The following ERBB4 variants were observed in gnomAD, a reference collection of about 807,000 sequenced individuals.
The protein encoded by ERBB4 is erb-b2 receptor tyrosine kinase 4.
In ERBB4, 42 loss-of-function variants were observed where a neutral mutation model predicts 158.0. That is an observed-to-expected ratio of 0.27 (90% CI 0.21 to 0.34). The LOEUF (loss-of-function observed/expected upper bound fraction) is 0.34. Among genes scored for constraint, ERBB4 ranks in the 10% least tolerant of loss-of-function variants. ERBB4 has a pLI of 1.00. For synonymous variants in ERBB4, 583 were observed against 558.7 expected (o/e 1.04, Z -0.61); for missense variants, 1,333 against 1,624.1 (o/e 0.82, Z 3.08).
At chr2:211,804,913 C>A (rs2105899364) in intron 3 of ERBB4, among the ~76,000 whole-genome samples, 1 of 138,756 alleles carries the variant, frequency 7.2e-6, no homozygotes, top group African/African-American at 2.6e-5. Context: ...ACAGCTCTTT[C>A]AAAATATTCT....
chr2:211,798,031 CTA>C (rs2076418432), intron 3 of ERBB4, among the ~76,000 whole-genome samples: 1 of 151,980 alleles, frequency 6.6e-6, no homozygotes, highest in Admixed American at 6.6e-5. Context: ...ATTTTAAGCT[CTA>C]TGTTTTACAT....
intron 19 of ERBB4, among the ~76,000 whole-genome samples, chr2:211,607,614 G>A (rs996080611): frequency 3.9e-5 from 6 of 152,030 alleles, no homozygotes; most frequent in African/African-American, 9.7e-5. Flanking sequence ...CCTCAGAGGT[G>A]CTCATTTTTT....
chr2:212,103,752 TTAC>T lies in ERBB4; in HGVS notation c.234+20997_234+20999del, dbSNP rs201267588. ...TTTTTTTACAATGCACCTCTTCTATTTACTACATTAAAATATATTTCCACTTTG... is the reference window on the plus strand; with the variant it reads ...TTTTTTTACAATGCACCTCTTCTATTTACATTAAAATATATTTCCACTTTG... On this transcript the variant is annotated intron_variant, in intron 2 of 27. Transcript: ENST00000342788. Among the ~76,000 whole-genome samples the T allele has an allele frequency of 3.5e-3, 535 of 152,130 alleles. 3 individuals are homozygous for T. Among genetic ancestry groups the T allele is most frequent in the Middle Eastern group, 0.027 (8 of 294 alleles).
At chr2:212,401,284 C>T (rs1294478116) in intron 1 of ERBB4, among the ~76,000 whole-genome samples, 4 of 152,110 alleles carry the variant, frequency 2.6e-5, no homozygotes, top group East Asian at 1.9e-4. Flanking sequence ...TGTAAAATAC[C>T]ATGACTTCCT....
chr2:212,222,925 G>T (rs1915748), intron 1 of ERBB4, among the ~76,000 whole-genome samples: 147,667 of 151,448 alleles, frequency 0.98, 72,083 homozygotes, highest in Middle Eastern at 1. Flanking sequence ...GATAGATAAA[G>T]AGTCACATTC....
chr2:212,175,181 G>T (rs1403083071), intron 1 of ERBB4, among the ~76,000 whole-genome samples: 2 of 151,972 alleles, frequency 1.3e-5, no homozygotes, highest in Non-Finnish European at 2.9e-5. Context: ...CCAGAAACAA[G>T]GTCCTTTCAC....
At chr2:211,394,735 T>G (rs1026046409) in intron 25 of ERBB4, among the ~76,000 whole-genome samples, 8 of 152,052 alleles carry the variant, frequency 5.3e-5, no homozygotes, top group Non-Finnish European at 8.8e-5. Context: ...TGTGTGGTTT[T>G]TATCCTAACC....
chr2:212,383,796 A>G (rs1486711875), intron 1 of ERBB4, among the ~76,000 whole-genome samples: 3 of 151,724 alleles, frequency 2.0e-5, no homozygotes, highest in Admixed American at 6.6e-5. Flanking sequence ...TATCTGTGTT[A>G]TCGAAGACAA....
At chr2:211,971,905 C>T (rs1268792965) in intron 2 of ERBB4, among the ~76,000 whole-genome samples, 2 of 152,016 alleles carry the variant, frequency 1.3e-5, no homozygotes, top group East Asian at 1.9e-4. Context: ...AATACAATAT[C>T]GAAAGTTCTA....
At chr2:211,910,008 C>T (rs1254363797) in intron 3 of ERBB4, among the ~76,000 whole-genome samples, 1 of 151,586 alleles carries the variant, frequency 6.6e-6, no homozygotes, top group African/African-American at 2.4e-5. Context: ...CAACCTCCGC[C>T]TCCCAGGTTC....
chr2:211,455,508 G>A (rs1321729811), intron 20 of ERBB4, among the ~76,000 whole-genome samples: 1 of 151,884 alleles, frequency 6.6e-6, no homozygotes, highest in East Asian at 1.9e-4. Flanking sequence ...AGAACAAGGG[G>A]AAAAAAGGGA....
chr2:211,929,512 C>T (rs1419707607), intron 3 of ERBB4, among the ~76,000 whole-genome samples: 2 of 152,100 alleles, frequency 1.3e-5, no homozygotes, highest in East Asian at 1.9e-4. Flanking sequence ...TTTGTACATA[C>T]ACTTCAGCCT....
At position 211,383,003 on chromosome 2, in the gene ERBB4, T is replaced by C; in HGVS notation, c.*612A>G. On this transcript the variant is annotated 3_prime_UTR_variant, in exon 28 of 28. Transcript: ENST00000342788. The stretch of plus-strand genomic sequence containing the variant: ...AAGTGTTGAAAACATAATTACTAGT[T>C]ATAACTTTAATGGAGATTTTTAAAT... 4.3e-6 allele frequency: 1 copy of C among 232,640 alleles called. No individual in the cohort carries two copies. The highest frequency in any genetic ancestry group is 6.1e-5 in the East Asian group (1 of 16,446). 14.4% of individuals were successfully genotyped at this position (232,640 alleles called of 1,614,324 possible).
chr2:211,572,398 C>G (rs182268188), intron 19 of ERBB4, among the ~76,000 whole-genome samples: 43 of 152,258 alleles, frequency 2.8e-4, no homozygotes, highest in African/African-American at 9.6e-4. Context: ...CCCTCAAGCT[C>G]TATTCTCCAC....
intron 2 of ERBB4, among the ~76,000 whole-genome samples, chr2:212,077,486 AAAC>A (rs1218775603): frequency 1.3e-5 from 2 of 152,060 alleles, no homozygotes; most frequent in African/African-American, 4.8e-5. Context: ...AGGTAACATG[AAAC>A]AACATGAATG....
chr2:212,040,176 A>AC (rs35447415), intron 2 of ERBB4, among the ~76,000 whole-genome samples: 33,525 of 151,872 alleles, frequency 0.22, 4,218 homozygotes, highest in African/African-American at 0.35. Context: ...AGTTGGAAGT[A>AC]CCTAGATTAT....
chr2:211,727,802 C>T (rs1403484584), intron 5 of ERBB4, among the ~76,000 whole-genome samples: 1 of 151,922 alleles, frequency 6.6e-6, no homozygotes, highest in Admixed American at 6.6e-5. Flanking sequence ...CCAATACAAA[C>T]ATCAAATAAA....
chr2:212,125,280 A>T (rs2079889084), intron 1 of ERBB4: 1 of 174,392 alleles, frequency 5.7e-6, no homozygotes, highest in South Asian at 1.3e-4. Context: ...AATGTAAATA[A>T]ATCAAAATCA....
rs1186371044 is a variant in ERBB4, at chr2:212,181,676, T to TA, written c.83-56774dup. 2.0e-5 allele frequency among the ~76,000 whole-genome samples: 3 copies of TA among 151,850 alleles called. No individual in the cohort carries two copies. The East Asian group carries it at 5.8e-4, about 29-fold the overall frequency. ...CATATAAAAAATAAGTCACAATTAA[T>TA]AAAAATCAAAACTAATATGTGCTAC... On this transcript the variant is annotated intron_variant, in intron 1 of 27. Transcript: ENST00000342788.
Sources: gnomAD v4.1 joint callset for allele counts (sites outside exome capture counted in the v4.1 genomes callset) on GRCh38, gnomAD v4.1.1 for gene constraint, MANE v1.5 for transcripts, NCBI Gene and HGNC (gene_info 2026-07-23, HGNC 2026-07-21) for gene names.